The following CDH5 variants were observed in gnomAD, a reference collection of about 807,000 sequenced individuals.
The protein encoded by CDH5 is cadherin-5.
Under a neutral mutation model 62.0 loss-of-function variants are expected in CDH5, and 28 were observed. That is an observed-to-expected ratio of 0.45 (90% CI 0.33 to 0.62). CDH5 has a LOEUF of 0.62. Ranked by LOEUF, CDH5 falls within the 20% of genes least tolerant of loss-of-function variation. The pLI, the probability that CDH5 is intolerant of heterozygous loss-of-function variation, is 0.02. For synonymous variants in CDH5, 464 were observed against 445.8 expected (o/e 1.04, Z -0.52); for missense variants, 940 against 1,065.1 (o/e 0.88, Z 1.63).
intron 1 of CDH5, among the ~76,000 whole-genome samples, chr16:66,372,326 T>TTTA (rs1441419820): frequency 6.6e-6 from 1 of 152,236 alleles, no homozygotes; most frequent in Non-Finnish European, 1.5e-5. Context: ...CAATAAATGT[T>TTTA]TGCTGCATGA....
intron 2 of CDH5, among the ~76,000 whole-genome samples, chr16:66,386,376 C>T (rs1960983334): frequency 6.6e-6 from 1 of 152,054 alleles, no homozygotes; most frequent in Non-Finnish European, 1.5e-5. Flanking sequence ...ACCCATTACC[C>T]AAATAGTGAA....
At chr16:66,384,096 T>G (rs1483357425) in intron 2 of CDH5, among the ~76,000 whole-genome samples, 1 of 140,556 alleles carries the variant, frequency 7.1e-6, no homozygotes, top group African/African-American at 2.7e-5. Flanking sequence ...TTTTTTTTTT[T>G]TTTTTTGAGT....
At chr16:66,379,268 C>T (rs1417668795) in intron 1 of CDH5, 51 bp from the exon 2 acceptor site, 17 of 1,339,828 alleles carry the variant, frequency 1.3e-5, no homozygotes, top group Non-Finnish European at 1.6e-5. Context: ...TGTCTAAGTA[C>T]TCCTTTCATC....
In CDH5 at chr16:66,402,876, G is replaced by A. The variant is rs758517569; in HGVS notation, c.2062G>A (p.Val688Met). Residue 688 changes from valine (V) to methionine (M), a missense_variant, in exon 12 of 12, where the codon GTG (valine) becomes ATG (methionine). Val to Met is a conservative substitution (Grantham distance 21, BLOSUM62 1). Coordinates refer to ENST00000341529, the MANE Select transcript of CDH5 (RefSeq NM_001795.5). ...CGCCCGGCCTTCCCTCTATGCGCAGGTGCAGAAGCCACCGAGGCACGCGCC... is the reference window on the plus strand; with the variant it reads ...CGCCCGGCCTTCCCTCTATGCGCAGATGCAGAAGCCACCGAGGCACGCGCC... ...LDARPSLYAQVQKPPRHAPGA... is the reference protein window; with the variant it reads ...LDARPSLYAQMQKPPRHAPGA... The A allele has an allele frequency of 8.7e-6, 14 of 1,609,064 alleles. No homozygotes were observed. Among genetic ancestry groups the A allele is most frequent in the Middle Eastern group, 1.7e-4 (1 of 6,052 alleles).
chr16:66,372,950 A>G (rs1426099001), intron 1 of CDH5, among the ~76,000 whole-genome samples: 3 of 152,174 alleles, frequency 2.0e-5, no homozygotes, highest in Non-Finnish European at 2.9e-5. Context: ...GGACAGCAGC[A>G]TCGATAAGCA....
intron 11 of CDH5, 61 bp from the exon 12 acceptor site, chr16:66,402,591 A>T: frequency 6.6e-6 from 9 of 1,354,842 alleles, no homozygotes; most frequent in Non-Finnish European, 8.6e-6. Context: ...GGATGGGGGC[A>T]TGGGGGGCCG....
chr16:66,384,393 G>A (rs988087902), intron 2 of CDH5, among the ~76,000 whole-genome samples: 5 of 150,196 alleles, frequency 3.3e-5, no homozygotes, highest in South Asian at 2.2e-4. Context: ...CATGCCCCCC[G>A]AGTCCAGCCT....
Position 66,403,144 on chromosome 16 carries a change from A to T in CDH5, c.2330A>T (p.Asp777Val), listed in dbSNP as rs1567470397. ...FKMLAELYGS[D>V]PREELLY ...ATGCTGGCTGAGCTGTACGGCTCGG[A>T]CCCCCGGGAGGAGCTGCTGTATTAG... The change falls in exon 12 of 12, where the codon GAC (aspartate) becomes GTC (valine). Residue 777 changes from aspartate to valine, a missense_variant. Transcript: ENST00000341529. This position sits in a 1 kb window ranked among gnomAD's most constrained non-coding sequence, Gnocchi z 4.3. 6.2e-7 allele frequency: 1 copy of T among 1,611,762 alleles called. No individual in the cohort carries two copies. The highest frequency in any genetic ancestry group is 8.5e-7 in the Non-Finnish European group (1 of 1,179,496).
At chr16:66,375,802 T>C (rs941194239) in intron 1 of CDH5, among the ~76,000 whole-genome samples, 2 of 151,582 alleles carry the variant, frequency 1.3e-5, no homozygotes, top group Non-Finnish European at 2.9e-5. Context: ...ATTGCTGTTG[T>C]TGCCGTCTAA....
intron 1 of CDH5, among the ~76,000 whole-genome samples, chr16:66,378,883 TA>T (rs1444969774): frequency 6.6e-6 from 1 of 152,190 alleles, no homozygotes; most frequent in East Asian, 1.9e-4. Flanking sequence ...TAAAGGGAGT[TA>T]GGTTCCCTAT....
intron 1 of CDH5, among the ~76,000 whole-genome samples, chr16:66,367,503 C>CTTCT (rs1960609281): frequency 6.6e-6 from 1 of 152,228 alleles, no homozygotes; most frequent in Non-Finnish European, 1.5e-5. Flanking sequence ...GGAAGTCCCC[C>CTTCT]AGAAGCAGGA....
In CDH5 at chr16:66,393,140, T is replaced by C. The variant is rs560350722; in HGVS notation, c.1217+757T>C. ...AATTCAATTCAATCTTATTTTATTG[T>C]AGATGCATAGCTGATTTTGCCAGCA... On this transcript the variant is annotated intron_variant, in intron 7 of 11. Transcript: ENST00000341529. 5.3e-5 allele frequency among the ~76,000 whole-genome samples: 8 copies of C among 152,374 alleles called. No homozygotes were observed. The South Asian group carries it at 1.7e-3, about 32-fold the overall frequency.
intron 1 of CDH5, among the ~76,000 whole-genome samples, chr16:66,369,346 G>A (rs936894348): frequency 3.9e-5 from 6 of 152,260 alleles, no homozygotes; most frequent in South Asian, 2.1e-4. Context: ...TGGAGAGGGC[G>A]GGTAGATAGG....
chr16:66,367,165 T>C (rs1960602387), intron 1 of CDH5, among the ~76,000 whole-genome samples: 1 of 152,156 alleles, frequency 6.6e-6, no homozygotes. Flanking sequence ...CTGGAGAGGA[T>C]TTACCAAGGC....
chr16:66,384,555 A>G (rs1168684656), intron 2 of CDH5, among the ~76,000 whole-genome samples: 1 of 151,134 alleles, frequency 6.6e-6, no homozygotes, highest in African/African-American at 2.4e-5. Flanking sequence ...GAGTTTGACA[A>G]CAGCCTGGAC....
chr16:66,387,991 TGG>T (rs1441794966), intron 3 of CDH5, among the ~76,000 whole-genome samples: 2 of 152,154 alleles, frequency 1.3e-5, no homozygotes, highest in African/African-American at 2.4e-5. Context: ...ACCACTCCTT[TGG>T]GGGCACCTTT....
rs1415354059 is a variant in CDH5 at position 66,390,391 on chromosome 16, T to C, written c.782-12T>C. ...TAACCCAAAGCCCTTTGGGGTGCTCTGTTTGCATCAGCCAAGTACACATTT... is the reference window on the plus strand; with the variant it reads ...TAACCCAAAGCCCTTTGGGGTGCTCCGTTTGCATCAGCCAAGTACACATTT... On this transcript the variant is annotated splice_polypyrimidine_tract_variant and intron_variant, in intron 5 of 11. Transcript: ENST00000341529. The C allele has an allele frequency of 6.2e-7, 1 of 1,604,940 alleles. No individual in the cohort carries two copies. The highest frequency in any genetic ancestry group is 8.5e-7 in the Non-Finnish European group (1 of 1,173,644).
chr16:66,397,381 A>G (rs976757290), intron 8 of CDH5, among the ~76,000 whole-genome samples: 11 of 152,234 alleles, frequency 7.2e-5, no homozygotes, highest in African/African-American at 2.6e-4. Context: ...CACATTGCCC[A>G]GCAAATGTCT....
chr16:66,374,633 G>A (rs980437264), intron 1 of CDH5, among the ~76,000 whole-genome samples: 6 of 151,762 alleles, frequency 4.0e-5, no homozygotes, highest in Admixed American at 1.3e-4. Flanking sequence ...CACGTGGTCC[G>A]AGCCTGTGAC....
Sources: gnomAD v4.1 joint callset for allele counts (sites outside exome capture counted in the v4.1 genomes callset) on GRCh38, gnomAD v4.1.1 for gene constraint, Gnocchi (gnomAD v3.1) non-coding constraint, MANE v1.5 for transcripts, NCBI Gene and HGNC (gene_info 2026-07-23, HGNC 2026-07-21) for gene names.